The following EEF1AKMT1 variants were observed in gnomAD, a reference collection of about 807,000 sequenced individuals.
EEF1AKMT1 encodes N-6 adenine-specific DNA methyltransferase 2 (putative).
EEF1AKMT1 carries 18 observed loss-of-function variants against 21.0 expected under a neutral mutation model. The observed-to-expected ratio is 0.86, with a 90% CI of 0.59 to 1.27. EEF1AKMT1 has a LOEUF of 1.27. Ranked by LOEUF, EEF1AKMT1 falls within the 50% of genes most tolerant of loss-of-function variation. The pLI is 0.00. For missense variants in EEF1AKMT1, 246 were observed against 258.6 expected, an observed-to-expected ratio of 0.95 and a Z score of 0.33; for synonymous variants, 109 against 94.8, an observed-to-expected ratio of 1.15 and a Z score of -0.87.
rs73435290 is a variant in EEF1AKMT1, at chr13:20,748,664, G to T, written c.144+8791C>A. ...TTTATTATGATAGATGAGGATTTTT[G>T]CTCTCTCATACACATCATTTGCCTT... is the stretch of plus-strand genomic sequence containing the variant. On this transcript the variant is annotated intron_variant, in intron 2 of 4. Transcript: ENST00000382758. 6.5e-3 allele frequency among the ~76,000 whole-genome samples: 952 copies of T among 147,450 alleles called. 12 individuals are homozygous for T. The highest frequency in any genetic ancestry group is 0.022 in the African/African-American group (877 of 39,760).
intron 2 of EEF1AKMT1, among the ~76,000 whole-genome samples, chr13:20,746,158 A>T (rs1170778642): frequency 2.1e-5 from 3 of 145,690 alleles, no homozygotes; most frequent in African/African-American, 7.5e-5. Flanking sequence ...TCTATCCATT[A>T]TTTTTTTTTT....
intron 1 of EEF1AKMT1, among the ~76,000 whole-genome samples, chr13:20,770,880 A>C (rs2059059348): frequency 6.6e-6 from 1 of 151,906 alleles, no homozygotes; most frequent in Non-Finnish European, 1.5e-5. Context: ...CTTGACATAT[A>C]AATTTTTTTT....
chr13:20,755,080 G>A (rs1421246870), intron 2 of EEF1AKMT1, among the ~76,000 whole-genome samples: 3 of 151,686 alleles, frequency 2.0e-5, no homozygotes, highest in Non-Finnish European at 4.4e-5. Context: ...GTTGGGAAGT[G>A]CACACTTTGG....
intron 1 of EEF1AKMT1, among the ~76,000 whole-genome samples, chr13:20,764,296 T>G (rs2059016046): frequency 6.6e-6 from 1 of 152,224 alleles, no homozygotes; most frequent in African/African-American, 2.4e-5. Context: ...TAAATTTCTC[T>G]CTGGCCCATA....
At chr13:20,740,428 T>C (rs1595016442) in intron 2 of EEF1AKMT1, among the ~76,000 whole-genome samples, 1 of 152,236 alleles carries the variant, frequency 6.6e-6, no homozygotes. Context: ...GAGTGGGCGC[T>C]GAGGCCGAGG....
intron 1 of EEF1AKMT1, among the ~76,000 whole-genome samples, chr13:20,758,615 A>G (rs2058983298): frequency 6.6e-6 from 1 of 152,224 alleles, no homozygotes; most frequent in Non-Finnish European, 1.5e-5. Flanking sequence ...CAATCTACAG[A>G]TTCAATACAA....
chr13:20,763,506 G>A (rs1297722512), intron 1 of EEF1AKMT1, among the ~76,000 whole-genome samples: 2 of 151,496 alleles, frequency 1.3e-5, no homozygotes, highest in Non-Finnish European at 2.9e-5. Flanking sequence ...AGGCTGGAGT[G>A]CAATGGCTCG....
chr13:20,760,026 A>G (rs555552105), intron 1 of EEF1AKMT1, among the ~76,000 whole-genome samples: 56 of 141,012 alleles, frequency 4.0e-4, no homozygotes, highest in African/African-American at 1.4e-3. Context: ...AATGGCGCGA[A>G]CCCGGGAGGC....
chr13:20,773,826 G>T (rs1271548154), intron 1 of EEF1AKMT1, 95 bp downstream of exon 1: 1 of 152,612 alleles, frequency 6.6e-6, no homozygotes, highest in Admixed American at 6.5e-5. Flanking sequence ...TGGAAAAAAG[G>T]TGAGAAACAA....
At position 20,772,746 on chromosome 13, in the gene EEF1AKMT1, G is replaced by A. The variant is rs1392136538; in HGVS notation, c.-20+1175C>T. On this transcript the variant is annotated intron_variant, in intron 1 of 4. Coordinates refer to ENST00000382758, the MANE Select transcript of EEF1AKMT1 (RefSeq NM_001318939.2). ...ACAGCATGAGCAAAGGGGCGGACAC[G>A]TTAGCTTGCAGCATAAGCAGGGATT... Among the ~76,000 whole-genome samples, 5 of 152,324 alleles carry A rather than the reference G, an allele frequency of 3.3e-5. No homozygotes were observed. The South Asian group carries it at 1.0e-3, about 32-fold the overall frequency.
At chr13:20,749,529 T>A (rs1373316677) in intron 2 of EEF1AKMT1, among the ~76,000 whole-genome samples, 1 of 152,222 alleles carries the variant, frequency 6.6e-6, no homozygotes, top group Non-Finnish European at 1.5e-5. Context: ...ACTTGTCATA[T>A]CTAAAATGTT....
intron 2 of EEF1AKMT1, among the ~76,000 whole-genome samples, chr13:20,752,263 G>A (rs1309480394): frequency 6.6e-6 from 1 of 152,118 alleles, no homozygotes; most frequent in Non-Finnish European, 1.5e-5. Flanking sequence ...TCCCCATTCA[G>A]TATGATGTTA....
chr13:20,736,656 G>T (rs539862313), intron 3 of EEF1AKMT1, among the ~76,000 whole-genome samples: 18 of 151,426 alleles, frequency 1.2e-4, no homozygotes, highest in African/African-American at 3.9e-4. Flanking sequence ...TTACTGATAG[G>T]ATATTTAGAC....
chr13:20,734,878 A>G (rs2058817897), intron 3 of EEF1AKMT1, among the ~76,000 whole-genome samples: 1 of 152,170 alleles, frequency 6.6e-6, no homozygotes, highest in African/African-American at 2.4e-5. Context: ...ACTACATATA[A>G]TCAAAAAAAG....
At chr13:20,735,900 T>C (rs2058823531) in intron 3 of EEF1AKMT1, among the ~76,000 whole-genome samples, 1 of 152,048 alleles carries the variant, frequency 6.6e-6, no homozygotes, top group Admixed American at 6.6e-5. Context: ...GAAGCAGATA[T>C]GGTAAACTCA....
intron 1 of EEF1AKMT1, among the ~76,000 whole-genome samples, chr13:20,765,368 G>C (rs2059023325): frequency 7.1e-6 from 1 of 141,398 alleles, no homozygotes; most frequent in Non-Finnish European, 1.5e-5. Flanking sequence ...TTGTGCTTAA[G>C]CCTATTTCAT....
intron 1 of EEF1AKMT1, among the ~76,000 whole-genome samples, chr13:20,758,569 G>A (rs757942182): frequency 2.0e-5 from 3 of 152,032 alleles, no homozygotes; most frequent in Non-Finnish European, 2.9e-5. Flanking sequence ...ATGAAAAACA[G>A]ATGGTCGACA....
intron 2 of EEF1AKMT1, among the ~76,000 whole-genome samples, chr13:20,755,266 A>G (rs2058965816): frequency 6.6e-6 from 1 of 152,172 alleles, no homozygotes; most frequent in Non-Finnish European, 1.5e-5. Context: ...GGGGCTCCAG[A>G]GATGTGGAGA....
chr13:20,766,234 G>A (rs1471769679), intron 1 of EEF1AKMT1, among the ~76,000 whole-genome samples: 6 of 146,678 alleles, frequency 4.1e-5, no homozygotes, highest in African/African-American at 1.5e-4. Flanking sequence ...GGGAGGAGGA[G>A]GTTGCAGTGG....
Sources: gnomAD v4.1 joint callset for allele counts (sites outside exome capture counted in the v4.1 genomes callset) on GRCh38, gnomAD v4.1.1 for gene constraint, MANE v1.5 for transcripts, NCBI Gene and HGNC (gene_info 2026-07-23, HGNC 2026-07-21) for gene names.